The following SORCS2 variants were observed in gnomAD, a reference collection of about 807,000 sequenced individuals.
SORCS2 encodes the protein sortilin related VPS10 domain containing receptor 2, also known as VPS10 domain-containing receptor SorCS2.
SORCS2 carries 100 observed loss-of-function variants against 141.6 expected under a neutral mutation model. The ratio of observed to expected loss-of-function variants is 0.71; its 90% confidence interval spans 0.60 to 0.83. SORCS2 has a LOEUF of 0.83. Ranked by LOEUF, SORCS2 falls within the 40% of genes least tolerant of loss-of-function variation. The pLI, the probability that SORCS2 is intolerant of heterozygous loss-of-function variation, is 0.00. For synonymous variants in SORCS2, 789 were observed against 676.9 expected (o/e 1.17, Z -2.57); for missense variants, 1,646 against 1,560.2 (o/e 1.05, Z -0.93).
rs1721195718 is a variant in SORCS2 at position 7,648,092 on chromosome 4, T to C, written c.814-6042T>C. 6.6e-6 allele frequency among the ~76,000 whole-genome samples: 1 copy of C among 152,086 alleles called. No individual in the cohort carries two copies. Among genetic ancestry groups the C allele is most frequent in the East Asian group, 1.9e-4 (1 of 5,174 alleles). ...GGGTGCCGGCCCCTGAGGGCTCTGC[T>C]TACGGTGGGGCAGGTGGGGTGGCGG... is the stretch of plus-strand genomic sequence containing the variant. On this transcript the variant is annotated intron_variant, in intron 4 of 26. Transcript: ENST00000507866. This position sits in a 1 kb window ranked among gnomAD's most constrained non-coding sequence, Gnocchi z 4.2.
At chr4:7,331,707 A>C (rs987723821) in intron 1 of SORCS2, among the ~76,000 whole-genome samples, 1 of 152,170 alleles carries the variant, frequency 6.6e-6, no homozygotes, top group African/African-American at 2.4e-5. Context: ...GTGAAGCAGG[A>C]AAGTCTGTTT....
chr4:7,566,123 GTGA>G (rs1169983279), intron 3 of SORCS2, among the ~76,000 whole-genome samples: 2 of 150,526 alleles, frequency 1.3e-5, no homozygotes, highest in Non-Finnish European at 3.0e-5. Context: ...AATGGTGATG[GTGA>G]TGATGGTGGT....
chr4:7,731,344 G>A (rs1711665948), intron 23 of SORCS2, among the ~76,000 whole-genome samples: 1 of 152,130 alleles, frequency 6.6e-6, no homozygotes, highest in African/African-American at 2.4e-5. Context: ...AAGATACCCT[G>A]TGTTCCTGGA....
intron 2 of SORCS2, among the ~76,000 whole-genome samples, chr4:7,497,901 G>A (rs1731727660): frequency 6.6e-6 from 1 of 152,270 alleles, no homozygotes; most frequent in African/African-American, 2.4e-5. Context: ...GTGCATAGTG[G>A]AAGGAACGTT....
intron 1 of SORCS2, among the ~76,000 whole-genome samples, chr4:7,208,021 C>T (rs2108876467): frequency 6.6e-6 from 1 of 152,202 alleles, no homozygotes; most frequent in Middle Eastern, 3.4e-3. Flanking sequence ...CGCCTTCTCC[C>T]AGGATCCCAC....
At chr4:7,588,596 C>T (rs1333649250) in intron 3 of SORCS2, among the ~76,000 whole-genome samples, 2 of 152,158 alleles carry the variant, frequency 1.3e-5, no homozygotes, top group Admixed American at 6.5e-5. Flanking sequence ...TCAGGGGAAT[C>T]ACGTGGGCTG....
chr4:7,321,130 T>A (rs1248467042), intron 1 of SORCS2, among the ~76,000 whole-genome samples: 1 of 152,162 alleles, frequency 6.6e-6, no homozygotes, highest in African/African-American at 2.4e-5. Flanking sequence ...ATGTCCATGA[T>A]ACTCCTGTGC....
chr4:7,629,960 G>C (rs537797950), intron 3 of SORCS2, among the ~76,000 whole-genome samples: 1 of 152,246 alleles, frequency 6.6e-6, no homozygotes, highest in Non-Finnish European at 1.5e-5. Flanking sequence ...CCTCTGAACT[G>C]TAACTCCAAG....
intron 16 of SORCS2, 62 bp downstream of exon 16, chr4:7,714,435 C>T (rs953586320): frequency 1.7e-5 from 26 of 1,511,996 alleles, no homozygotes; most frequent in African/African-American, 4.1e-5. Context: ...CACAGCATGG[C>T]GGCCACTTCC....
intron 4 of SORCS2, among the ~76,000 whole-genome samples, chr4:7,650,057 C>G (rs551606235): frequency 1.3e-5 from 2 of 152,310 alleles, no homozygotes; most frequent in Admixed American, 1.3e-4. Flanking sequence ...TTCCTTCCTT[C>G]CTGGGCCAGT....
intron 1 of SORCS2, among the ~76,000 whole-genome samples, chr4:7,250,230 AG>A (rs571454813): frequency 1.6e-3 from 250 of 152,064 alleles, no homozygotes; most frequent in Middle Eastern, 6.8e-3. Flanking sequence ...TGATTGAGCG[AG>A]GGCTCTGTCT....
At chr4:7,372,236 T>A (rs928705507) in intron 1 of SORCS2, among the ~76,000 whole-genome samples, 1 of 152,200 alleles carries the variant, frequency 6.6e-6, no homozygotes, top group African/African-American at 2.4e-5. Flanking sequence ...TTGAATGCAG[T>A]AATAATGATT....
Position 7,192,551 on chromosome 4 carries a change from T to C in SORCS2, c.-96T>C, listed in dbSNP as rs1008323467. ...CCCTCGCCGGCTCCTTTCTCTGCGC[T>C]CTCGCTCGCGCTCCCCAGCGCCCTC... On this transcript the variant is annotated 5_prime_UTR_variant, in exon 1 of 27. Transcript: ENST00000507866. The surrounding 1 kb of genome is among the most constrained non-coding windows in gnomAD (Gnocchi z 4.0). 8.2e-5 allele frequency: 79 copies of C among 966,564 alleles called. No individual in the cohort carries two copies. The highest frequency in any genetic ancestry group is 8.7e-5 in the Non-Finnish European group (71 of 813,496). 59.9% of individuals were successfully genotyped at this position (966,564 alleles called of 1,614,324 possible).
intron 2 of SORCS2, among the ~76,000 whole-genome samples, chr4:7,490,708 G>A (rs969236206): frequency 6.6e-6 from 1 of 152,188 alleles, no homozygotes; most frequent in Non-Finnish European, 1.5e-5. Flanking sequence ...ATGGGGGCAG[G>A]TTGTTTGCAG....
intron 10 of SORCS2, among the ~76,000 whole-genome samples, chr4:7,684,489 G>T (rs1424014123): frequency 6.6e-6 from 1 of 151,996 alleles, no homozygotes; most frequent in Non-Finnish European, 1.5e-5. Context: ...CTACCCACAT[G>T]TTCCTTCCAC....
At chr4:7,304,911 G>A (rs371103882) in intron 1 of SORCS2, among the ~76,000 whole-genome samples, 3 of 152,236 alleles carry the variant, frequency 2.0e-5, no homozygotes, top group Non-Finnish European at 1.5e-5. Context: ...TGGGGGCAAC[G>A]CCACTGAGGC....
At chr4:7,364,140 A>G (rs570271677) in intron 1 of SORCS2, among the ~76,000 whole-genome samples, 1 of 152,196 alleles carries the variant, frequency 6.6e-6, no homozygotes, top group Non-Finnish European at 1.5e-5. Context: ...CCACATCATC[A>G]TCATCATTAT....
intron 3 of SORCS2, among the ~76,000 whole-genome samples, chr4:7,621,081 G>A (rs554051633): frequency 1.3e-5 from 2 of 152,264 alleles, no homozygotes; most frequent in South Asian, 4.1e-4. Context: ...CAAGGAGGGG[G>A]CTCCCAGGGC....
chr4:7,656,571 C>T (rs1395838033), intron 5 of SORCS2, among the ~76,000 whole-genome samples: 3 of 152,242 alleles, frequency 2.0e-5, no homozygotes, highest in Admixed American at 2.0e-4. Context: ...GTCCTGCTGC[C>T]CCCAAGCTGT....
Sources: gnomAD v4.1 joint callset for allele counts (sites outside exome capture counted in the v4.1 genomes callset) on GRCh38, gnomAD v4.1.1 for gene constraint, Gnocchi (gnomAD v3.1) non-coding constraint, MANE v1.5 for transcripts, NCBI Gene and HGNC (gene_info 2026-07-23, HGNC 2026-07-21) for gene names.